TNR: variants seen among roughly 807,000 people sequenced by gnomAD.
The protein encoded by TNR is tenascin R.
A neutral mutation model predicts 150.4 loss-of-function variants in TNR; 45 were observed. The observed-to-expected ratio is 0.30, with a 90% CI of 0.24 to 0.38. The LOEUF is 0.38. Among genes scored for constraint, TNR ranks in the 10% least tolerant of loss-of-function variants. The probability of loss-of-function intolerance (pLI) is 1.00; values close to 1 mark genes in which losing one functional copy is unlikely to be tolerated. For synonymous variants in TNR, 687 were observed against 678.4 expected (o/e 1.01, Z -0.20); for missense variants, 1,544 against 1,759.1 (o/e 0.88, Z 2.19).
chr1:175,683,394 A>G (rs763686511), intron 1 of TNR, among the ~76,000 whole-genome samples: 78 of 152,196 alleles, frequency 5.1e-4, no homozygotes, highest in Admixed American at 9.2e-4. Flanking sequence ...GACCAACCCT[A>G]CAATCTCCAA....
intron 2 of TNR, among the ~76,000 whole-genome samples, chr1:175,488,637 G>A (rs1658113243): frequency 6.6e-6 from 1 of 152,232 alleles, no homozygotes; most frequent in Non-Finnish European, 1.5e-5. Context: ...CTCCAGGAAA[G>A]TCACTTGGGT....
intron 2 of TNR, among the ~76,000 whole-genome samples, chr1:175,413,861 A>C (rs77272778): frequency 6.6e-6 from 1 of 152,184 alleles, no homozygotes; most frequent in African/African-American, 2.4e-5. Flanking sequence ...AGTTGGGCAC[A>C]GTGGTTCATG....
intron 1 of TNR, among the ~76,000 whole-genome samples, chr1:175,714,344 G>A (rs763721698): frequency 1.3e-5 from 2 of 152,082 alleles, no homozygotes; most frequent in Non-Finnish European, 2.9e-5. Flanking sequence ...TATAAATGAG[G>A]CAATTGCTTC....
At chr1:175,618,144 A>G (rs1291501731) in intron 1 of TNR, among the ~76,000 whole-genome samples, 1 of 152,240 alleles carries the variant, frequency 6.6e-6, no homozygotes, top group Non-Finnish European at 1.5e-5. Flanking sequence ...ATATATTTTC[A>G]TTCCTTCTCT....
intron 10 of TNR, among the ~76,000 whole-genome samples, chr1:175,366,610 G>T (rs926969006): frequency 3.9e-5 from 6 of 152,234 alleles, no homozygotes; most frequent in African/African-American, 1.4e-4. Flanking sequence ...TTGTCCATGT[G>T]GTTCTCTAGA....
chr1:175,364,962 A>G, intron 12 of TNR, 48 bp downstream of exon 12: 1 of 1,548,468 alleles, frequency 6.5e-7, no homozygotes, highest in Non-Finnish European at 8.7e-7. Flanking sequence ...GTCAAAGGCT[A>G]CTGTGAAAAC....
intron 1 of TNR, among the ~76,000 whole-genome samples, chr1:175,670,644 C>T (rs1292369530): frequency 6.6e-6 from 1 of 152,072 alleles, no homozygotes; most frequent in Non-Finnish European, 1.5e-5. Flanking sequence ...GCTGCATAAC[C>T]TCAGAGGGGA....
intron 1 of TNR, among the ~76,000 whole-genome samples, chr1:175,529,248 C>A (rs1659972168): frequency 6.6e-6 from 1 of 152,160 alleles, no homozygotes; most frequent in African/African-American, 2.4e-5. Context: ...ATAGGTGCTT[C>A]AAGAGGATGG....
chr1:175,665,956 A>G (rs933765648), intron 1 of TNR, among the ~76,000 whole-genome samples: 2 of 152,198 alleles, frequency 1.3e-5, no homozygotes, highest in African/African-American at 4.8e-5. Context: ...ATGTGCCAAA[A>G]CTTGAGTAAT....
intron 2 of TNR, among the ~76,000 whole-genome samples, chr1:175,455,437 G>A (rs761936779): frequency 2.0e-5 from 3 of 152,220 alleles, no homozygotes; most frequent in Non-Finnish European, 1.5e-5. Flanking sequence ...GCCCCAATAA[G>A]TAGGCGTTTC....
chr1:175,586,748 C>G (rs1215599733), intron 1 of TNR, among the ~76,000 whole-genome samples: 2 of 152,176 alleles, frequency 1.3e-5, no homozygotes, highest in Non-Finnish European at 2.9e-5. Context: ...AGAAGAGTCA[C>G]AGAGCCACTG....
At chr1:175,724,441 A>C (rs1169063386) in intron 1 of TNR, among the ~76,000 whole-genome samples, 1 of 152,150 alleles carries the variant, frequency 6.6e-6, no homozygotes. Flanking sequence ...GATGGTGCTA[A>C]AACATTCATG....
At chr1:175,401,454 T>C (rs1358653737) in intron 4 of TNR, among the ~76,000 whole-genome samples, 1 of 152,006 alleles carries the variant, frequency 6.6e-6, no homozygotes, top group East Asian at 1.9e-4. Context: ...TCAGAAACAA[T>C]AAGGCTTAAC....
At chr1:175,602,096 G>A (rs1421694566) in intron 1 of TNR, among the ~76,000 whole-genome samples, 1 of 148,232 alleles carries the variant, frequency 6.7e-6, no homozygotes, top group Non-Finnish European at 1.5e-5. Context: ...TGGAAAGTAT[G>A]TGGATCTGCT....
At chr1:175,608,168 A>G (rs1246443144) in intron 1 of TNR, among the ~76,000 whole-genome samples, 1 of 152,258 alleles carries the variant, frequency 6.6e-6, no homozygotes, top group Non-Finnish European at 1.5e-5. Flanking sequence ...TAACAAGTGA[A>G]TCCAATCAGT....
At position 175,320,061 on chromosome 1, in the gene TNR, T is replaced by C. The variant is rs912291842; in HGVS notation, c.*3296A>G. ...ACAGTGAATCTATTGCAGTCATTGG[T>C]GGTGGTTTTGGTTTTGGGTATTAGT... On this transcript the variant is annotated 3_prime_UTR_variant, in exon 23 of 23. Coordinates refer to ENST00000367674, the MANE Select transcript of TNR (RefSeq NM_003285.3). 2 of 152,270 alleles carry C rather than the reference T, an allele frequency of 1.3e-5. No homozygotes were observed. Among genetic ancestry groups the C allele is most frequent in the African/African-American group, 4.8e-5 (2 of 41,422 alleles). 9.4% of individuals were successfully genotyped at this position (152,270 alleles called of 1,614,324 possible). A position where few individuals can be genotyped will look rare whatever the true frequency, so the allele number is the denominator to read the frequency against.
intron 1 of TNR, among the ~76,000 whole-genome samples, chr1:175,655,545 T>C (rs1232338886): frequency 1.3e-5 from 2 of 152,192 alleles, no homozygotes; most frequent in African/African-American, 2.4e-5. Flanking sequence ...AGGCTGCTCC[T>C]TAAAATAGAA....
intron 1 of TNR, among the ~76,000 whole-genome samples, chr1:175,672,211 T>G (rs1454380095): frequency 1.3e-5 from 2 of 152,138 alleles, no homozygotes. Flanking sequence ...TTGTGTGAAG[T>G]GTCAAGCACA....
chr1:175,464,095 C>T (rs1161007551), intron 2 of TNR, among the ~76,000 whole-genome samples: 4 of 152,232 alleles, frequency 2.6e-5, no homozygotes, highest in Non-Finnish European at 5.9e-5. Context: ...TAATCACTTT[C>T]CTCACAGGAT....
Sources: allele counts gnomAD v4.1 joint callset (sites outside exome capture counted in the v4.1 genomes callset), GRCh38; gene constraint gnomAD v4.1.1; transcripts MANE v1.5; gene names NCBI Gene and HGNC (gene_info 2026-07-23, HGNC 2026-07-21).